EYS: variants seen among roughly 807,000 people sequenced by gnomAD.
EYS encodes the protein EGF-like photoreceptor maintenance factor, also known as protein eyes shut homolog.
Under a neutral mutation model 282.1 loss-of-function variants are expected in EYS, and 250 were observed. The observed-to-expected ratio is 0.89, with a 90% CI of 0.80 to 0.98. EYS has a LOEUF of 0.98. EYS is among the 50% of genes least tolerant of loss of function. EYS has a pLI of 0.00. For synonymous variants in EYS, 1,355 were observed against 1,282.9 expected, an observed-to-expected ratio of 1.06 and a Z score of -1.20; for missense variants, 4,016 against 3,709.0, an observed-to-expected ratio of 1.08 and a Z score of -2.15.
At chr6:64,812,638 T>C (rs1214793957) in intron 22 of EYS, among the ~76,000 whole-genome samples, 1 of 152,042 alleles carries the variant, frequency 6.6e-6, no homozygotes, top group Non-Finnish European at 1.5e-5. Flanking sequence ...TATCAAGATA[T>C]ACATGATAAA....
At chr6:65,174,583 A>C (rs1443624119) in intron 12 of EYS, among the ~76,000 whole-genome samples, 1 of 151,326 alleles carries the variant, frequency 6.6e-6, no homozygotes, top group Non-Finnish European at 1.5e-5. Flanking sequence ...AATACCAAGA[A>C]CAAAATGTCT....
intron 22 of EYS, among the ~76,000 whole-genome samples, chr6:64,763,990 G>A (rs1773243734): frequency 2.0e-5 from 3 of 152,186 alleles, no homozygotes; most frequent in South Asian, 2.1e-4. Flanking sequence ...CCTCCCCTGT[G>A]GCTCTGCAGG....
chr6:64,593,032 AG>A, intron 25 of EYS, 84 bp downstream of exon 25: 1 of 1,003,492 alleles, frequency 1.0e-6, no homozygotes, highest in Non-Finnish European at 1.4e-6. Context: ...GAAAAAAAAA[AG>A]ATTTTAATAA....
chr6:65,010,325 G>A (rs1192805475), intron 13 of EYS, among the ~76,000 whole-genome samples: 1 of 152,230 alleles, frequency 6.6e-6, no homozygotes, highest in Non-Finnish European at 1.5e-5. Context: ...CATCCATGAT[G>A]TGAATGGCAT....
At chr6:64,476,520 A>G (rs1240797643) in intron 26 of EYS, among the ~76,000 whole-genome samples, 1 of 152,098 alleles carries the variant, frequency 6.6e-6, no homozygotes, top group Admixed American at 6.6e-5. Flanking sequence ...GCAGAGTGAA[A>G]AAAATATAGA....
At chr6:65,064,165 AAT>A (rs966506238) in intron 12 of EYS, among the ~76,000 whole-genome samples, 2 of 144,006 alleles carry the variant, frequency 1.4e-5, no homozygotes, top group Admixed American at 7.2e-5. Context: ...TAACATATAT[AAT>A]ATATATAATA....
At chr6:64,851,084 G>A (rs1448914409) in intron 19 of EYS, among the ~76,000 whole-genome samples, 2 of 152,022 alleles carry the variant, frequency 1.3e-5, no homozygotes, top group Non-Finnish European at 2.9e-5. Context: ...ACAAGGTCTG[G>A]CATTTAGAGT....
intron 12 of EYS, among the ~76,000 whole-genome samples, chr6:65,121,258 CAAGT>C (rs1775540560): frequency 6.6e-6 from 1 of 151,990 alleles, no homozygotes. Flanking sequence ...GAGTATACAC[CAAGT>C]AAGGGAACAG....
chr6:63,998,683 G>A (rs544308569), intron 34 of EYS, among the ~76,000 whole-genome samples: 1 of 152,066 alleles, frequency 6.6e-6, no homozygotes, highest in Non-Finnish European at 1.5e-5. Flanking sequence ...AAATCTGGAA[G>A]ACTGGGAACG....
chr6:65,051,821 T>C (rs1773278141), intron 13 of EYS, among the ~76,000 whole-genome samples: 1 of 151,560 alleles, frequency 6.6e-6, no homozygotes, highest in African/African-American at 2.4e-5. Context: ...CATACCTTTC[T>C]GTAGGTACTA....
At chr6:65,575,204 G>A (rs1220605984) in intron 2 of EYS, among the ~76,000 whole-genome samples, 1 of 151,874 alleles carries the variant, frequency 6.6e-6, no homozygotes, top group Non-Finnish European at 1.5e-5. Context: ...TTGCACACTT[G>A]TAACCCCACC....
intron 20 of EYS, 144 bp downstream of exon 20, chr6:64,822,507 A>C: frequency 1.5e-6 from 1 of 656,440 alleles, no homozygotes; most frequent in East Asian, 2.9e-5. Flanking sequence ...AACTGGCAGC[A>C]TCTGTCATCT....
chr6:63,836,907 A>G (rs2149695122), intron 36 of EYS, among the ~76,000 whole-genome samples: 1 of 152,216 alleles, frequency 6.6e-6, no homozygotes, highest in South Asian at 2.1e-4. Context: ...TAACTAAGAC[A>G]TAGTCCTTGG....
intron 19 of EYS, among the ~76,000 whole-genome samples, chr6:64,873,442 T>A (rs950585962): frequency 3.9e-5 from 6 of 151,972 alleles, no homozygotes; most frequent in Non-Finnish European, 7.4e-5. Context: ...AAAGAATCCT[T>A]TCAAACATGG....
chr6:63,777,734 A>T, intron 40 of EYS: 1 of 324,536 alleles, frequency 3.1e-6, no homozygotes, highest in Non-Finnish European at 5.8e-6. Context: ...TCTCAATAGT[A>T]TGGATTTAAG....
chr6:64,052,873 T>G (rs1770858855), intron 33 of EYS, among the ~76,000 whole-genome samples: 1 of 152,182 alleles, frequency 6.6e-6, no homozygotes, highest in African/African-American at 2.4e-5. Flanking sequence ...GTAAGTTTGC[T>G]GAGGACTTCC....
At chr6:65,416,307 G>A (rs1318485082) in intron 5 of EYS, among the ~76,000 whole-genome samples, 2 of 151,874 alleles carry the variant, frequency 1.3e-5, no homozygotes, top group Non-Finnish European at 2.9e-5. Flanking sequence ...AATAGTAAGT[G>A]TGGCATAAAT....
intron 9 of EYS, among the ~76,000 whole-genome samples, chr6:65,346,227 G>T (rs2150321657): frequency 6.6e-6 from 1 of 151,764 alleles, no homozygotes; most frequent in East Asian, 2.0e-4. Context: ...AGCCTTCTTA[G>T]TTCCTCTCCG....
At chr6:64,315,357 T>C (rs775047534) in intron 29 of EYS, among the ~76,000 whole-genome samples, 2 of 152,196 alleles carry the variant, frequency 1.3e-5, no homozygotes, top group African/African-American at 2.4e-5. Flanking sequence ...GCTGGTATCA[T>C]TCCTTCTGAA....
Sources: allele counts gnomAD v4.1 joint callset (sites outside exome capture counted in the v4.1 genomes callset), GRCh38; gene constraint gnomAD v4.1.1; transcripts MANE v1.5; gene names NCBI Gene and HGNC (gene_info 2026-07-23, HGNC 2026-07-21).